LCLAT1: variants seen among roughly 807,000 people sequenced by gnomAD.
LCLAT1 encodes the protein 1-AGP acyltransferase 8.
LCLAT1 carries 11 observed loss-of-function variants against 30.7 expected under a neutral mutation model. The ratio of observed to expected loss-of-function variants is 0.36; its 90% CI spans 0.23 to 0.59. The LOEUF is 0.59. LCLAT1 is among the 20% of genes least tolerant of loss of function. The probability of loss-of-function intolerance (pLI) is 0.77; values close to 1 mark genes in which losing one functional copy is unlikely to be tolerated. For missense variants in LCLAT1, 402 were observed against 458.6 expected, an observed-to-expected ratio of 0.88 and a Z score of 1.13; for synonymous variants, 155 against 151.3, an observed-to-expected ratio of 1.02 and a Z score of -0.18.
chr2:30,602,646 C>A (rs1177026596), intron 5 of LCLAT1, among the ~76,000 whole-genome samples: 1 of 149,142 alleles, frequency 6.7e-6, no homozygotes, highest in East Asian at 2.0e-4. Context: ...CAGTTCCTTC[C>A]TAATGACTTT....
At chr2:30,518,817 C>G (rs1279148398) in intron 1 of LCLAT1, among the ~76,000 whole-genome samples, 1 of 152,250 alleles carries the variant, frequency 6.6e-6, no homozygotes, top group Non-Finnish European at 1.5e-5. Flanking sequence ...GAACCAACAT[C>G]TCAACTCACC....
At chr2:30,601,890 T>G (rs1036905066) in intron 5 of LCLAT1, among the ~76,000 whole-genome samples, 4 of 146,240 alleles carry the variant, frequency 2.7e-5, no homozygotes, top group African/African-American at 9.9e-5. Context: ...GATATATATA[T>G]CTATAGATAT....
chr2:30,514,384 GT>G, intron 1 of LCLAT1, among the ~76,000 whole-genome samples: 1 of 152,216 alleles, frequency 6.6e-6, no homozygotes, highest in Non-Finnish European at 1.5e-5. Context: ...ATACTAGACA[GT>G]TGGCCAGAGT....
At chr2:30,608,010 C>T (rs984616013) in intron 5 of LCLAT1, among the ~76,000 whole-genome samples, 18 of 151,778 alleles carry the variant, frequency 1.2e-4, no homozygotes, top group African/African-American at 3.1e-4. Context: ...GTGTTTTAAG[C>T]GAAGTGTTAT....
intron 1 of LCLAT1, among the ~76,000 whole-genome samples, chr2:30,495,998 G>T (rs1395876910): frequency 1.3e-5 from 2 of 152,100 alleles, no homozygotes; most frequent in African/African-American, 4.8e-5. Context: ...GGCTCATGGT[G>T]CCACAGGCTG....
intron 5 of LCLAT1, among the ~76,000 whole-genome samples, chr2:30,622,762 C>T (rs184555159): frequency 1.3e-5 from 2 of 152,260 alleles, no homozygotes; most frequent in Non-Finnish European, 2.9e-5. Context: ...GGGGAGAGCA[C>T]CACATCAAGG....
intron 3 of LCLAT1, among the ~76,000 whole-genome samples, chr2:30,539,996 A>C (rs1436465270): frequency 6.6e-6 from 1 of 152,242 alleles, no homozygotes; most frequent in Non-Finnish European, 1.5e-5. Context: ...TTTTAAATAA[A>C]ATGTCTAATT....
chr2:30,467,302 G>A (rs1682496982), intron 1 of LCLAT1, among the ~76,000 whole-genome samples: 1 of 152,170 alleles, frequency 6.6e-6, no homozygotes, highest in Admixed American at 6.5e-5. Context: ...GTATTCCATG[G>A]TGTATATGTG....
At chr2:30,626,279 T>A (rs995390389) in intron 5 of LCLAT1, among the ~76,000 whole-genome samples, 8 of 152,224 alleles carry the variant, frequency 5.3e-5, no homozygotes, top group African/African-American at 1.9e-4. Flanking sequence ...GTAAACAAAT[T>A]TGTTGGGCCC....
chr2:30,543,331 A>G (rs1664243363), intron 3 of LCLAT1, among the ~76,000 whole-genome samples: 1 of 152,086 alleles, frequency 6.6e-6, no homozygotes, highest in Non-Finnish European at 1.5e-5. Context: ...AACCTTTTTA[A>G]TGTATTTTTG....
chr2:30,598,096 A>G (rs1399128830), intron 5 of LCLAT1, among the ~76,000 whole-genome samples: 2 of 152,086 alleles, frequency 1.3e-5, no homozygotes, highest in African/African-American at 4.8e-5. Context: ...ATTGGCCTGA[A>G]GTTTTCTTTT....
chr2:30,477,746 A>G (rs1348288433), intron 1 of LCLAT1, among the ~76,000 whole-genome samples: 2 of 152,218 alleles, frequency 1.3e-5, no homozygotes, highest in African/African-American at 4.8e-5. Flanking sequence ...AGAGACACTC[A>G]GAGGTGGCCA....
Position 30,507,612 on chromosome 2 carries a change from T to A in LCLAT1, c.-4-17975T>A, listed in dbSNP as rs1339966492. Reference sequence around the variant, plus strand: ...TTTGCTTAGGATAATGGTCTCCAGCTCCATCCATGTTCCTGCAAAGGACAT... The same window carrying A: ...TTTGCTTAGGATAATGGTCTCCAGCACCATCCATGTTCCTGCAAAGGACAT... On this transcript the variant is annotated intron_variant, in intron 1 of 5. Transcript: ENST00000379509. 4.6e-5 allele frequency among the ~76,000 whole-genome samples: 7 copies of A among 152,144 alleles called. No homozygotes were observed. The East Asian group carries it at 1.4e-3, about 29-fold the overall frequency.
chr2:30,451,712 T>C (rs1681558766), intron 1 of LCLAT1, among the ~76,000 whole-genome samples: 1 of 98,834 alleles, frequency 1.0e-5, no homozygotes, highest in African/African-American at 3.9e-5. Flanking sequence ...CAGTTGTACA[T>C]CAGCAGTAGA....
intron 5 of LCLAT1, among the ~76,000 whole-genome samples, chr2:30,582,285 T>C (rs1025360910): frequency 1.3e-5 from 2 of 151,508 alleles, no homozygotes; most frequent in Non-Finnish European, 2.9e-5. Context: ...GTAACAGATA[T>C]ACTTCAATCA....
chr2:30,482,777 T>TA lies in LCLAT1; in HGVS notation c.-5+35407dup, dbSNP rs571789425. ...CAACATTGTGAAACCCTGTCCCTAT[T>TA]AAAAAAAAAAAAAGCAAAACCCAAA... is the stretch of plus-strand genomic sequence containing the variant. On this transcript the variant is annotated intron_variant, in intron 1 of 5. Transcript: ENST00000379509. Among the ~76,000 whole-genome samples, 510 of 136,976 alleles carry TA rather than the reference T, an allele frequency of 3.7e-3. 4 individuals are homozygous for TA. The highest frequency in any genetic ancestry group is 0.01 in the African/African-American group (379 of 37,300). 89.9% of individuals were successfully genotyped at this position (136,976 alleles called of 152,430 possible).
At chr2:30,503,025 T>C (rs1243760634) in intron 1 of LCLAT1, among the ~76,000 whole-genome samples, 1 of 152,254 alleles carries the variant, frequency 6.6e-6, no homozygotes, top group East Asian at 1.9e-4. Context: ...TACTTACTTA[T>C]ACCTACTTTC....
intron 1 of LCLAT1, among the ~76,000 whole-genome samples, chr2:30,525,087 A>T (rs1685645307): frequency 6.6e-6 from 1 of 151,706 alleles, no homozygotes; most frequent in African/African-American, 2.4e-5. Flanking sequence ...TGGAGGTCAG[A>T]TATTTGCTCT....
chr2:30,519,937 A>C (rs2148373307), intron 1 of LCLAT1, among the ~76,000 whole-genome samples: 1 of 152,260 alleles, frequency 6.6e-6, no homozygotes, highest in South Asian at 2.1e-4. Context: ...ACCCCTCTGG[A>C]TCTGGCACCG....
Sources: allele counts gnomAD v4.1 joint callset (sites outside exome capture counted in the v4.1 genomes callset), GRCh38; gene constraint gnomAD v4.1.1; transcripts MANE v1.5; gene names NCBI Gene and HGNC (gene_info 2026-07-23, HGNC 2026-07-21).